The following SND1 variants were observed in gnomAD, a reference collection of about 807,000 sequenced individuals.
SND1 encodes the protein staphylococcal nuclease domain-containing protein 1.
A neutral mutation model predicts 121.7 loss-of-function variants in SND1; 38 were observed. The ratio of observed to expected loss-of-function variants is 0.31; its 90% CI spans 0.24 to 0.41. The LOEUF is 0.41. Ranked by LOEUF, SND1 falls within the 10% of genes least tolerant of loss-of-function variation. The pLI is 1.00. For synonymous variants in SND1, 401 were observed against 447.4 expected (o/e 0.90, Z 1.31); for missense variants, 868 against 1,184.6 (o/e 0.73, Z 3.92).
chr7:127,757,310 A>G (rs920672612), intron 10 of SND1, among the ~76,000 whole-genome samples: 3 of 152,134 alleles, frequency 2.0e-5, no homozygotes, highest in African/African-American at 7.2e-5. Flanking sequence ...AATAAACTAC[A>G]GTTTATTCTC....
rs542812730 is a variant in SND1, at chr7:128,064,086, C to T, written c.1780-10416C>T. Among the ~76,000 whole-genome samples, 48 of 152,146 alleles carry T rather than the reference C, an allele frequency of 3.2e-4. 1 individual carries two copies. In the South Asian group the frequency reaches 9.0e-3, roughly 28 times the overall value. ...CAACATTTATTGAGCACTTACTATT[C>T]GCCAGACTCTCCTTAAGTGTTTAAC... On this transcript the variant is annotated intron_variant, in intron 16 of 23. Transcript: ENST00000354725.
intron 12 of SND1, among the ~76,000 whole-genome samples, chr7:127,878,107 G>A (rs1009207165): frequency 3.9e-5 from 6 of 151,908 alleles, no homozygotes; most frequent in Non-Finnish European, 7.4e-5. Flanking sequence ...TCTTAAAATA[G>A]GACTAAGTCC....
chr7:128,065,389 C>T (rs375161301), intron 16 of SND1, among the ~76,000 whole-genome samples: 1 of 152,242 alleles, frequency 6.6e-6, no homozygotes, highest in East Asian at 1.9e-4. Context: ...GGGGGGGTCA[C>T]AGGTCAGCTA....
In SND1 at chr7:127,858,176, C is replaced by T; in HGVS notation, c.1343+13752C>T. 7.5e-6 allele frequency: 6 copies of T among 803,366 alleles called. No individual in the cohort carries two copies. The South Asian group carries it at 8.2e-5, about 11-fold the overall frequency. The allele number at this position is 803,366 out of a possible 1,614,324, so 49.8% of individuals were successfully genotyped here. ...TTGTGGGGTCCCTAGGGCCTGGCACCCCAAACCCTTCAGCCGCATGGCCAA... is the reference window on the plus strand; with the variant it reads ...TTGTGGGGTCCCTAGGGCCTGGCACTCCAAACCCTTCAGCCGCATGGCCAA... On this transcript the variant is annotated intron_variant, in intron 12 of 23. Transcript: ENST00000354725.
At chr7:127,742,643 C>A (rs1168921886) in intron 10 of SND1, among the ~76,000 whole-genome samples, 7 of 152,086 alleles carry the variant, frequency 4.6e-5, no homozygotes, top group African/African-American at 1.7e-4. Context: ...AAGTGCTCCA[C>A]AAAGAATGGC....
At chr7:128,070,392 T>A (rs1472371741) in intron 16 of SND1, among the ~76,000 whole-genome samples, 2 of 152,224 alleles carry the variant, frequency 1.3e-5, no homozygotes, top group Non-Finnish European at 2.9e-5. Flanking sequence ...CATGTGCACG[T>A]CAGTGCATGC....
chr7:127,718,885 A>C (rs566332874), intron 9 of SND1: 5 of 389,590 alleles, frequency 1.3e-5, no homozygotes, highest in African/African-American at 2.2e-5. Flanking sequence ...AATTCACAAC[A>C]AGAATTTGTT....
At chr7:127,998,192 G>T (rs112226382) in intron 16 of SND1, 12 of 325,238 alleles carry the variant, frequency 3.7e-5, no homozygotes, top group African/African-American at 2.6e-4. Flanking sequence ...GTCCTTTATG[G>T]TTCTTTAGGA....
chr7:128,089,646 G>A lies in SND1; in HGVS notation c.2576G>A (p.Gly859Glu). 1.2e-6 allele frequency: 2 copies of A among 1,614,176 alleles called. No homozygotes were observed. Among genetic ancestry groups the A allele is most frequent in the Non-Finnish European group, 1.7e-6 (2 of 1,180,042 alleles). Residue 859 changes from glycine to glutamate, a missense_variant, in exon 22 of 24, where the codon GGG (glycine) becomes GAG (glutamate). Physicochemically the swap from Gly to Glu is moderately conservative, Grantham distance 98. Coordinates refer to ENST00000354725, the MANE Select transcript of SND1 (RefSeq NM_014390.4). The stretch of plus-strand genomic sequence containing the variant: ...GTGGGGCTGGGCTTGGTGAAGGAAG[G>A]GCTGGTCATGGTGGAGGTGCGCAAG... ...GDVGLGLVKE[G>E]LVMVEVRKEK...
intron 2 of SND1, among the ~76,000 whole-genome samples, chr7:127,691,945 G>A (rs1427281388): frequency 6.6e-6 from 1 of 151,906 alleles, no homozygotes; most frequent in Non-Finnish European, 1.5e-5. Context: ...TTACAGGCCC[G>A]GCCATATTTT....
chr7:127,969,275 G>A (rs1484347546), intron 15 of SND1, among the ~76,000 whole-genome samples: 1 of 152,150 alleles, frequency 6.6e-6, no homozygotes, highest in Non-Finnish European at 1.5e-5. Context: ...TCCACCACAT[G>A]TCCAAGCAGA....
intron 2 of SND1, among the ~76,000 whole-genome samples, chr7:127,690,392 C>T (rs1795892692): frequency 1.3e-5 from 2 of 152,232 alleles, no homozygotes; most frequent in South Asian, 4.1e-4. Context: ...GTCCTGCCTT[C>T]TGCCCTCAGC....
intron 22 of SND1, among the ~76,000 whole-genome samples, chr7:128,090,016 C>G (rs1307973361): frequency 6.6e-6 from 1 of 152,120 alleles, no homozygotes; most frequent in Admixed American, 6.5e-5. Flanking sequence ...TCCCGCTCTC[C>G]CAGTCTCACT....
chr7:128,032,385 G>GGCGAGCGA (rs1010665287), intron 16 of SND1, among the ~76,000 whole-genome samples: 2 of 151,542 alleles, frequency 1.3e-5, no homozygotes, highest in East Asian at 2.0e-4. Context: ...AGGGCGAGCG[G>GGCGAGCGA]GCGAGCGAGC....
At chr7:127,884,177 G>T (rs997485901) in intron 12 of SND1, among the ~76,000 whole-genome samples, 18 of 151,220 alleles carry the variant, frequency 1.2e-4, no homozygotes, top group Non-Finnish European at 1.8e-4. Context: ...ATTTTTTTTT[G>T]AGCACTTCCT....
chr7:128,084,583 A>G (rs1793657839), intron 18 of SND1, 141 bp from the exon 19 acceptor site: 1 of 804,926 alleles, frequency 1.2e-6, no homozygotes, highest in Non-Finnish European at 1.8e-6. Context: ...GCTTCCCCGC[A>G]TGGGTTGGGG....
intron 16 of SND1, among the ~76,000 whole-genome samples, chr7:128,007,744 C>T (rs750501897): frequency 7.9e-5 from 12 of 152,172 alleles, no homozygotes; most frequent in Non-Finnish European, 1.6e-4. Flanking sequence ...ATCTACATTT[C>T]TCCAAAGAGC....
chr7:127,667,508 T>C (rs954084406), intron 1 of SND1, among the ~76,000 whole-genome samples: 1 of 152,196 alleles, frequency 6.6e-6, no homozygotes, highest in African/African-American at 2.4e-5. Flanking sequence ...CAGCCATTGT[T>C]ATTATGGCTA....
chr7:127,784,433 C>T (rs575462874), intron 10 of SND1, among the ~76,000 whole-genome samples: 2 of 152,304 alleles, frequency 1.3e-5, no homozygotes, highest in Admixed American at 6.5e-5. Flanking sequence ...CTGGAAAACT[C>T]TAAGTCTTCC....
Sources: allele counts gnomAD v4.1 joint callset (sites outside exome capture counted in the v4.1 genomes callset), GRCh38; gene constraint gnomAD v4.1.1; transcripts MANE v1.5; gene names NCBI Gene and HGNC (gene_info 2026-07-23, HGNC 2026-07-21).